RAD51C: variants seen among roughly 807,000 people sequenced by gnomAD.
The protein encoded by RAD51C is DNA repair protein RAD51 homolog 3.
In RAD51C, 42 loss-of-function variants were observed where a neutral mutation model predicts 45.0. The ratio of observed to expected loss-of-function variants is 0.93; its 90% CI spans 0.73 to 1.21. RAD51C has a LOEUF of 1.21. Among genes scored for constraint, RAD51C ranks in the 50% most tolerant of loss-of-function variants. The pLI, the probability that RAD51C is intolerant of heterozygous loss-of-function variation, is 0.00. For missense variants in RAD51C, 474 were observed against 452.2 expected, an observed-to-expected ratio of 1.05 and a Z score of -0.44; for synonymous variants, 172 against 159.8, an observed-to-expected ratio of 1.08 and a Z score of -0.58.
rs67254535 is a variant in RAD51C at position 58,703,933 on chromosome 17, C to CTTT, written c.705+629_705+631dup. The stretch of plus-strand genomic sequence containing the variant: ...GAGCTACCGTGCCATCATGTATCAC[C>CTTT]TTTTTTTTTTTTTTTTTTTTTTTTT... On this transcript the variant is annotated intron_variant, in intron 4 of 8. Transcript: ENST00000337432. Among the ~76,000 whole-genome samples, 154 of 66,526 alleles carry CTTT rather than the reference C, an allele frequency of 2.3e-3. 26 individuals are homozygous for CTTT. The highest frequency in any genetic ancestry group is 3.3e-3 in the Non-Finnish European group (109 of 32,596). The allele number at this position is 66,526 out of a possible 152,430, so 43.6% of individuals were successfully genotyped here.
intron 4 of RAD51C, among the ~76,000 whole-genome samples, chr17:58,709,092 CTTTTTTT>C (rs34570887): frequency 4.3e-5 from 5 of 117,018 alleles, no homozygotes; most frequent in East Asian, 5.0e-4. Flanking sequence ...TTTTGAATTA[CTTTTTTT>C]TTTTTTTTTT....
chr17:58,729,317 A>G (rs2049308833), intron 7 of RAD51C, among the ~76,000 whole-genome samples: 1 of 151,988 alleles, frequency 6.6e-6, no homozygotes, highest in Non-Finnish European at 1.5e-5. Context: ...TCCCGGGTTC[A>G]ATCGATTCTT....
intron 5 of RAD51C, among the ~76,000 whole-genome samples, chr17:58,713,908 C>T (rs1268717138): frequency 6.6e-6 from 1 of 152,042 alleles, no homozygotes; most frequent in Non-Finnish European, 1.5e-5. Context: ...TCTGCTTCAG[C>T]CTTCCATAGG....
chr17:58,695,982 G>T (rs963713702), intron 2 of RAD51C, among the ~76,000 whole-genome samples: 1 of 151,730 alleles, frequency 6.6e-6, no homozygotes, highest in African/African-American at 2.4e-5. Context: ...CAGGAGAATC[G>T]CTTGTACTTG....
At chr17:58,721,758 T>C (rs1354075111) in intron 6 of RAD51C, among the ~76,000 whole-genome samples, 1 of 148,202 alleles carries the variant, frequency 6.7e-6, no homozygotes, top group East Asian at 2.0e-4. Context: ...AAACTCTGTC[T>C]CAAAAAAAAA....
chr17:58,710,384 C>G (rs1598485628), intron 5 of RAD51C, among the ~76,000 whole-genome samples: 1 of 149,710 alleles, frequency 6.7e-6, no homozygotes, highest in African/African-American at 2.5e-5. Context: ...TGTAATCCCA[C>G]CTACTCGGGA....
intron 5 of RAD51C, among the ~76,000 whole-genome samples, chr17:58,716,272 C>CCT (rs2048733266): frequency 6.6e-6 from 1 of 151,974 alleles, no homozygotes; most frequent in Non-Finnish European, 1.5e-5. Flanking sequence ...CCTGGTAAAT[C>CCT]AGTAGTTTGA....
chr17:58,696,530 A>G (rs2048014775), intron 2 of RAD51C, among the ~76,000 whole-genome samples, 163 bp from the exon 3 acceptor site: 1 of 152,234 alleles, frequency 6.6e-6, no homozygotes, highest in Non-Finnish European at 1.5e-5. Context: ...ATTGGTTCAC[A>G]TTATATCTGG....
intron 4 of RAD51C, chr17:58,706,593 GC>G (rs2048388541): frequency 2.3e-6 from 1 of 429,600 alleles, no homozygotes; most frequent in Non-Finnish European, 4.8e-6. Flanking sequence ...ACATAGCATT[GC>G]CCCCTGGGCT....
At chr17:58,699,880 G>A (rs1012222922) in intron 3 of RAD51C, 1 of 151,704 alleles carries the variant, frequency 6.6e-6, no homozygotes, top group African/African-American at 2.4e-5. Context: ...GACAGAATCT[G>A]GCTCTACCGC....
intron 5 of RAD51C, among the ~76,000 whole-genome samples, chr17:58,710,342 C>A (rs1419668812): frequency 1.4e-3 from 140 of 101,674 alleles, no homozygotes; most frequent in Middle Eastern, 6.7e-3. Flanking sequence ...AAAAAAAAAA[C>A]CAAAAATTAG....
chr17:58,734,521 G>T lies in RAD51C; in HGVS notation c.*299G>T. The T allele has an allele frequency of 1.4e-5, 5 of 353,792 alleles. No homozygotes were observed. Among genetic ancestry groups the T allele is most frequent in the South Asian group, 1.1e-4 (3 of 26,818 alleles). 21.9% of individuals were successfully genotyped at this position (353,792 alleles called of 1,614,324 possible). On this transcript the variant is annotated 3_prime_UTR_variant, in exon 9 of 9. Transcript: ENST00000337432. ...CCAGTCTGAATTTACCATTCATACTGTTTTCACCCCTTTCTTTCCCAGTTG... is the reference window on the plus strand; with the variant it reads ...CCAGTCTGAATTTACCATTCATACTTTTTTCACCCCTTTCTTTCCCAGTTG...
chr17:58,717,237 T>C (rs2048771892), intron 5 of RAD51C, among the ~76,000 whole-genome samples: 1 of 151,924 alleles, frequency 6.6e-6, no homozygotes, highest in Non-Finnish European at 1.5e-5. Flanking sequence ...CAAAACCCTG[T>C]TTCTACAAAT....
At chr17:58,694,418 C>T (rs911306591) in intron 1 of RAD51C, 1 of 161,270 alleles carries the variant, frequency 6.2e-6, no homozygotes, top group South Asian at 1.6e-4. Context: ...TGAATTGTTT[C>T]TGAGGTAATA....
At chr17:58,722,253 G>A (rs1020761356) in intron 6 of RAD51C, among the ~76,000 whole-genome samples, 3 of 152,158 alleles carry the variant, frequency 2.0e-5, no homozygotes, top group African/African-American at 4.8e-5. Flanking sequence ...GGAATATTAT[G>A]CTTAAGTTGT....
intron 1 of RAD51C, chr17:58,693,010 C>G (rs1413841305): frequency 1.6e-6 from 1 of 607,714 alleles, no homozygotes; most frequent in East Asian, 3.0e-5. Context: ...TTTCCTCTGG[C>G]AATGCCTGCT....
At position 58,715,731 on chromosome 17, in the gene RAD51C, C is replaced by T. The variant is rs138219551; in HGVS notation, c.838-5015C>T. Among the ~76,000 whole-genome samples, 13 of 152,136 alleles carry T rather than the reference C, an allele frequency of 8.5e-5. No homozygotes were observed. The East Asian group carries it at 2.5e-3, about 29-fold the overall frequency. On this transcript the variant is annotated intron_variant, in intron 5 of 8. Transcript: ENST00000337432. ...ATATATCACATTTTGTTTATCTGTTCATTGGTTGAAGGACATTGCATGGCA... is the reference window on the plus strand; with the variant it reads ...ATATATCACATTTTGTTTATCTGTTTATTGGTTGAAGGACATTGCATGGCA...
Position 58,696,715 on chromosome 17 carries a change from C to T in RAD51C, c.427C>T (p.Gln143Ter), listed in dbSNP as rs2143744121. The change falls in exon 3 of 9, where the codon CAG (glutamine) becomes TAG (stop). Residue 143 changes from glutamine (Q) to a stop codon, truncating the protein, a stop_gained. Coordinates refer to ENST00000337432, the MANE Select transcript of RAD51C (RefSeq NM_058216.3). LOFTEE classifies it high-confidence loss of function. ...QLCMQLAVDV[Q>*]IPECFGGVAG... ...CAGTATGCAGTTGGCAGTAGATGTG[C>T]AGATACCAGAATGTTTTGGAGGAGT... 1.2e-6 allele frequency: 2 copies of T among 1,614,124 alleles called. No homozygotes were observed. The highest frequency in any genetic ancestry group is 1.1e-5 in the South Asian group (1 of 91,084).
At chr17:58,727,414 G>A (rs926035677) in intron 7 of RAD51C, among the ~76,000 whole-genome samples, 12 of 152,256 alleles carry the variant, frequency 7.9e-5, no homozygotes, top group African/African-American at 2.9e-4. Flanking sequence ...ATGAGCCACC[G>A]CACTCGGCCA....
Sources: gnomAD v4.1 joint callset for allele counts (sites outside exome capture counted in the v4.1 genomes callset) on GRCh38, gnomAD v4.1.1 for gene constraint, MANE v1.5 for transcripts, NCBI Gene and HGNC (gene_info 2026-07-23, HGNC 2026-07-21) for gene names.